Variants in PIBF1 observed in about 807,000 individuals in gnomAD.
The protein encoded by PIBF1 is progesterone-induced-blocking factor 1.
PIBF1 carries 90 observed loss-of-function variants against 112.5 expected under a neutral mutation model. The ratio of observed to expected loss-of-function variants is 0.80; its 90% CI spans 0.67 to 0.95. The LOEUF (loss-of-function observed/expected upper bound fraction) is 0.95, where lower values mean the gene tolerates loss of function less well. PIBF1 is among the 40% of genes least tolerant of loss of function. The pLI, the probability that PIBF1 is intolerant of heterozygous loss-of-function variation, is 0.00. For synonymous variants in PIBF1, 301 were observed against 288.6 expected (o/e 1.04, Z -0.44); for missense variants, 915 against 852.3 (o/e 1.07, Z -0.92).
At chr13:72,956,616 C>T (rs1355554825) in intron 14 of PIBF1, among the ~76,000 whole-genome samples, 1 of 152,112 alleles carries the variant, frequency 6.6e-6, no homozygotes, top group Non-Finnish European at 1.5e-5. Context: ...GGCATTACAA[C>T]ACAATTCTCC....
intron 9 of PIBF1, among the ~76,000 whole-genome samples, chr13:72,843,451 G>A (rs577934942): frequency 6.6e-6 from 1 of 152,272 alleles, no homozygotes; most frequent in South Asian, 2.1e-4. Flanking sequence ...TGCTCTTGTC[G>A]TCCAGGCTGG....
At chr13:72,836,220 C>A in intron 9 of PIBF1, 1 of 367,604 alleles carries the variant, frequency 2.7e-6, no homozygotes, top group Non-Finnish European at 5.4e-6. Context: ...CTATTTATTT[C>A]AATGGCAGAT....
intron 14 of PIBF1, among the ~76,000 whole-genome samples, chr13:72,936,265 G>A (rs978431795): frequency 6.6e-6 from 1 of 151,930 alleles, no homozygotes; most frequent in African/African-American, 2.4e-5. Flanking sequence ...CGAACTCCTG[G>A]GCTCAAGTGA....
chr13:72,989,840 G>A (rs2043414356), intron 16 of PIBF1, among the ~76,000 whole-genome samples: 1 of 152,116 alleles, frequency 6.6e-6, no homozygotes, highest in Non-Finnish European at 1.5e-5. Flanking sequence ...AATTGAAGTT[G>A]CGCAGTGGAA....
intron 13 of PIBF1, among the ~76,000 whole-genome samples, chr13:72,918,799 G>A (rs2041190726): frequency 6.6e-6 from 1 of 151,450 alleles, no homozygotes. Context: ...CACCTCCCAG[G>A]TTCAAGCAAT....
In PIBF1 at chr13:72,980,517, C is replaced by T. The variant is rs138635533; in HGVS notation, c.2049+6842C>T. Among the ~76,000 whole-genome samples the T allele has an allele frequency of 7.5e-3, 1,140 of 152,044 alleles. 5 individuals are homozygous for T. Among genetic ancestry groups the T allele is most frequent in the South Asian group, 0.014 (69 of 4,804 alleles). Reference sequence around the variant, plus strand: ...TGGATTTAATAAGATGCTAAAGGGCCGGCACGGTGGCTCATGCCTGTAATC... The same window carrying T: ...TGGATTTAATAAGATGCTAAAGGGCTGGCACGGTGGCTCATGCCTGTAATC... On this transcript the variant is annotated intron_variant, in intron 16 of 17. Coordinates refer to ENST00000326291, the MANE Select transcript of PIBF1 (RefSeq NM_006346.4).
intron 8 of PIBF1, among the ~76,000 whole-genome samples, chr13:72,829,587 G>A (rs2036999468): frequency 6.6e-6 from 1 of 152,184 alleles, no homozygotes; most frequent in African/African-American, 2.4e-5. Flanking sequence ...TCAGATGGTT[G>A]TAGATGTGTG....
intron 5 of PIBF1, among the ~76,000 whole-genome samples, chr13:72,820,706 G>T (rs1320905392): frequency 6.6e-6 from 1 of 152,124 alleles, no homozygotes; most frequent in Admixed American, 6.6e-5. Flanking sequence ...TGTGTGGAGT[G>T]AACATGACCT....
chr13:72,896,666 AGCAATAGAAT>A (rs2040292591), intron 11 of PIBF1, among the ~76,000 whole-genome samples: 1 of 152,228 alleles, frequency 6.6e-6, no homozygotes, highest in Non-Finnish European at 1.5e-5. Context: ...GGAAAGTCTC[AGCAATAGAAT>A]TGAACAAGTA....
chr13:72,814,634 T>C (rs1207166747), intron 5 of PIBF1, among the ~76,000 whole-genome samples: 1 of 151,678 alleles, frequency 6.6e-6, no homozygotes, highest in Non-Finnish European at 1.5e-5. Context: ...AAAGAAAAAC[T>C]GAAATAAAAC....
chr13:72,937,026 A>C (rs1028748282), intron 14 of PIBF1, among the ~76,000 whole-genome samples: 1 of 152,134 alleles, frequency 6.6e-6, no homozygotes, highest in Non-Finnish European at 1.5e-5. Context: ...TTTATTGTCA[A>C]ACTTTTACAG....
At chr13:72,895,056 C>T (rs1351447617) in intron 11 of PIBF1, among the ~76,000 whole-genome samples, 4 of 151,312 alleles carry the variant, frequency 2.6e-5, no homozygotes, top group Non-Finnish European at 4.4e-5. Context: ...CCCAGGAGGT[C>T]GAGGCCACAG....
intron 11 of PIBF1, among the ~76,000 whole-genome samples, chr13:72,897,205 A>G (rs968940585): frequency 3.3e-5 from 5 of 152,242 alleles, no homozygotes; most frequent in Non-Finnish European, 7.3e-5. Flanking sequence ...GAAACTAAGC[A>G]TCATAAATAA....
At chr13:72,876,225 T>A (rs2039396398) in intron 10 of PIBF1, among the ~76,000 whole-genome samples, 1 of 151,696 alleles carries the variant, frequency 6.6e-6, no homozygotes, top group East Asian at 1.9e-4. Flanking sequence ...TCCCTTTGTC[T>A]TTTTGTCAAA....
chr13:72,969,616 A>G (rs1276741785), intron 15 of PIBF1: 1 of 152,220 alleles, frequency 6.6e-6, no homozygotes, highest in Admixed American at 6.5e-5. Context: ...TCAGCCAGTA[A>G]TTCAGATATG....
In PIBF1 at chr13:72,783,650, C is replaced by A; in HGVS notation, c.181C>A (p.Gln61Lys). The stretch of plus-strand genomic sequence containing the variant: ...ACGAAAAGAACTACTTCATAATATT[C>A]AGTTACTAAAAATTGAGCTATCCCA... ...IERKELLHNI[Q>K]LLKIELSQKT... Residue 61 changes from glutamine (Q) to lysine (K), a missense_variant, in exon 2 of 18, where the codon CAG becomes AAG. Physicochemically the swap from Gln to Lys is moderately conservative, Grantham distance 53. Coordinates refer to ENST00000326291, the MANE Select transcript of PIBF1 (RefSeq NM_006346.4). The A allele has an allele frequency of 1.2e-6, 2 of 1,613,656 alleles. No individual in the cohort carries two copies. The highest frequency in any genetic ancestry group is 2.7e-5 in the African/African-American group (2 of 75,030).
intron 10 of PIBF1, among the ~76,000 whole-genome samples, chr13:72,860,930 C>T (rs570718613): frequency 6.6e-6 from 1 of 152,260 alleles, no homozygotes; most frequent in Admixed American, 6.5e-5. Context: ...TATTCTGTTG[C>T]TTTGAATCCC....
chr13:72,920,672 A>T (rs536900849), intron 13 of PIBF1, among the ~76,000 whole-genome samples: 232 of 152,194 alleles, frequency 1.5e-3, no homozygotes, highest in Non-Finnish European at 2.7e-3. Flanking sequence ...CTGTAATCCC[A>T]GCTTCTGGGG....
At chr13:72,972,842 A>G (rs2042931949) in intron 15 of PIBF1, among the ~76,000 whole-genome samples, 1 of 152,180 alleles carries the variant, frequency 6.6e-6, no homozygotes, top group Non-Finnish European at 1.5e-5. Flanking sequence ...ATCACAGACT[A>G]AATACCTGAT....
Sources: gnomAD v4.1 joint callset for allele counts (sites outside exome capture counted in the v4.1 genomes callset) on GRCh38, gnomAD v4.1.1 for gene constraint, MANE v1.5 for transcripts, NCBI Gene and HGNC (gene_info 2026-07-23, HGNC 2026-07-21) for gene names.